The following CYP4X1 variants were observed in gnomAD, a reference collection of about 807,000 sequenced individuals.
CYP4X1 encodes cytochrome P450 family 4 subfamily X member 1, also known as cytochrome P450 4X1.
In CYP4X1, 44 loss-of-function variants were observed where a neutral mutation model predicts 57.9. That is an observed-to-expected ratio of 0.76 (90% confidence interval 0.60 to 0.98). The LOEUF is 0.98. Among genes scored for constraint, CYP4X1 ranks in the 50% least tolerant of loss-of-function variants. The pLI, the probability that CYP4X1 is intolerant of heterozygous loss-of-function variation, is 0.00. For missense variants in CYP4X1, 532 were observed against 623.9 expected (o/e 0.85, Z 1.57); for synonymous variants, 227 against 228.6 (o/e 0.99, Z 0.06).
At chr1:46,986,941 C>T in the CYP4X1 span, among the ~76,000 whole-genome samples, 2 of 152,006 alleles carry the variant, frequency 1.3e-5, no homozygotes, top group African/African-American at 4.8e-5. Context: ...ATTGTAAAGA[C>T]AATTGATACT....
the CYP4X1 span, among the ~76,000 whole-genome samples, chr1:46,992,483 C>T: frequency 6.6e-6 from 1 of 152,198 alleles, no homozygotes; most frequent in Non-Finnish European, 1.5e-5. Context: ...ATTCCTCTAC[C>T]TATAAGCGGA....
the CYP4X1 span, among the ~76,000 whole-genome samples, chr1:46,986,705 C>T: frequency 6.6e-6 from 1 of 152,124 alleles, no homozygotes; most frequent in African/African-American, 2.4e-5. Flanking sequence ...ATCCTACAAG[C>T]TAGAAGAAAG....
chr1:47,049,549 T>C, intron 11 of CYP4X1, 45 bp downstream of exon 11: 2 of 1,530,994 alleles, frequency 1.3e-6, no homozygotes, highest in Non-Finnish European at 1.8e-6. Flanking sequence ...AGATGTTTAC[T>C]TGAGAGTAGT....
chr1:47,006,898 C>T, the CYP4X1 span, among the ~76,000 whole-genome samples: 6 of 152,206 alleles, frequency 3.9e-5, no homozygotes, highest in Admixed American at 3.3e-4. Flanking sequence ...CCCAAAACTG[C>T]CGAGGCTTGA....
chr1:47,012,157 C>T, the CYP4X1 span, among the ~76,000 whole-genome samples: 1 of 152,150 alleles, frequency 6.6e-6, no homozygotes, highest in Non-Finnish European at 1.5e-5. Flanking sequence ...TTGGAACCAA[C>T]ACAAATGTCC....
chr1:47,048,772 G>A, intron 10 of CYP4X1, 143 bp downstream of exon 10: 1 of 801,216 alleles, frequency 1.2e-6, no homozygotes, highest in Non-Finnish European at 2.0e-6. Context: ...CAAAAGAAAT[G>A]TAAAACTATT....
the CYP4X1 span, among the ~76,000 whole-genome samples, chr1:46,977,062 C>A: frequency 6.6e-6 from 1 of 152,174 alleles, no homozygotes; most frequent in African/African-American, 2.4e-5. Flanking sequence ...CAGGGCACCT[C>A]TTCTCCTCCA....
At chr1:47,033,478 T>C (rs1644146026) in intron 4 of CYP4X1, 110 bp downstream of exon 4, 1 of 1,415,690 alleles carries the variant, frequency 7.1e-7, no homozygotes, top group Admixed American at 2.3e-5. Context: ...TTCTAAAAAT[T>C]TAACCAATGT....
chr1:47,024,493 A>G (rs1212789105), intron 1 of CYP4X1, among the ~76,000 whole-genome samples: 1 of 152,154 alleles, frequency 6.6e-6, no homozygotes, highest in Non-Finnish European at 1.5e-5. Flanking sequence ...ATACTGATTG[A>G]TGGAAATTTG....
intron 2 of CYP4X1, among the ~76,000 whole-genome samples, chr1:47,030,619 C>T (rs1414750304): frequency 1.3e-5 from 2 of 152,132 alleles, no homozygotes; most frequent in Admixed American, 6.6e-5. Context: ...CAACTATGTC[C>T]CCTTTTCAGG....
At chr1:47,014,750 C>T in the CYP4X1 span, among the ~76,000 whole-genome samples, 1 of 152,206 alleles carries the variant, frequency 6.6e-6, no homozygotes, top group African/African-American at 2.4e-5. Flanking sequence ...TCTTTTCCAT[C>T]TCCTCTGGAG....
At chr1:46,964,617 G>A in the CYP4X1 span, among the ~76,000 whole-genome samples, 1 of 152,194 alleles carries the variant, frequency 6.6e-6, no homozygotes, top group Non-Finnish European at 1.5e-5. Context: ...TCTCAGAGGG[G>A]TACCTGACCA....
rs562861119 is a variant in CYP4X1, at chr1:47,031,135, C to T, written c.320-301C>T. On this transcript the variant is annotated intron_variant, in intron 2 of 11. Coordinates refer to ENST00000371901, the MANE Select transcript of CYP4X1 (RefSeq NM_178033.2). ...TAAAGGATATATGTTGTCCCAACTACGGTTATGGAAACTTTGCAACCCTCA... is the reference window on the plus strand; with the variant it reads ...TAAAGGATATATGTTGTCCCAACTATGGTTATGGAAACTTTGCAACCCTCA... 5.3e-5 allele frequency among the ~76,000 whole-genome samples: 8 copies of T among 152,358 alleles called. No homozygotes were observed. In the East Asian group the frequency reaches 1.3e-3, roughly 26 times the overall value.
chr1:47,054,029 T>C (rs1644375962), downstream of CYP4X1, among the ~76,000 whole-genome samples: 2 of 151,838 alleles, frequency 1.3e-5, no homozygotes, highest in Non-Finnish European at 2.9e-5. Flanking sequence ...CTAGGTTTTC[T>C]TCTAGGGTTT....
rs755090227 is a variant in CYP4X1 at position 47,049,512 on chromosome 1, C to A, written c.1355+8C>A. The stretch of plus-strand genomic sequence containing the variant: ...ATTCTCAGCTGGATCAAGGTGAGAA[C>A]AATTTGAAGTTGCTGAAAGTACCCA... On this transcript the variant is annotated splice_region_variant and intron_variant, in intron 11 of 11. Transcript: ENST00000371901. 41 of 1,612,498 alleles carry A rather than the reference C, an allele frequency of 2.5e-5. No individual in the cohort carries two copies. The highest frequency in any genetic ancestry group is 3.3e-5 in the Non-Finnish European group (39 of 1,178,758).
At chr1:47,041,446 C>A (rs970795642) in intron 8 of CYP4X1, among the ~76,000 whole-genome samples, 1 of 152,064 alleles carries the variant, frequency 6.6e-6, no homozygotes, top group Admixed American at 6.6e-5. Flanking sequence ...ACATCCTCAC[C>A]AACATTTGTC....
chr1:47,052,445 C>T (rs1353773058), downstream of CYP4X1, among the ~76,000 whole-genome samples: 1 of 152,106 alleles, frequency 6.6e-6, no homozygotes, highest in African/African-American at 2.4e-5. Context: ...TTCACAAAGG[C>T]ATTCCTTTAT....
At chr1:47,046,695 G>A (rs1325747995) in intron 9 of CYP4X1, 95 bp downstream of exon 9, 33 of 1,560,744 alleles carry the variant, frequency 2.1e-5, no homozygotes, top group Non-Finnish European at 2.4e-5. Flanking sequence ...ACTTGGAGAA[G>A]TCAAAAGATA....
chr1:46,972,480 T>G, the CYP4X1 span, among the ~76,000 whole-genome samples: 1 of 152,278 alleles, frequency 6.6e-6, no homozygotes, highest in East Asian at 1.9e-4. Context: ...AAAAATGTTG[T>G]TAGTAGTTTG....
Sources: allele counts gnomAD v4.1 joint callset (sites outside exome capture counted in the v4.1 genomes callset), GRCh38; gene constraint gnomAD v4.1.1; transcripts MANE v1.5; gene names NCBI Gene and HGNC (gene_info 2026-07-23, HGNC 2026-07-21).